PHF2: variants seen among roughly 807,000 people sequenced by gnomAD.
The protein encoded by PHF2 is lysine-specific demethylase PHF2.
In PHF2, 27 loss-of-function variants were observed where a neutral mutation model predicts 120.5. That is an observed-to-expected ratio of 0.22 (90% confidence interval 0.17 to 0.31). The LOEUF (loss-of-function observed/expected upper bound fraction) is 0.31, where lower values mean the gene tolerates loss of function less well. Ranked by LOEUF, PHF2 falls within the 10% of genes least tolerant of loss-of-function variation. The pLI is 1.00. For synonymous variants in PHF2, 568 were observed against 592.5 expected, an observed-to-expected ratio of 0.96 and a Z score of 0.60; for missense variants, 1,024 against 1,434.8, an observed-to-expected ratio of 0.71 and a Z score of 4.63.
chr9:93,602,209 G>A (rs373862564), intron 1 of PHF2, among the ~76,000 whole-genome samples: 71 of 134,806 alleles, frequency 5.3e-4, no homozygotes, highest in Admixed American at 1.3e-3. Flanking sequence ...TGTTCGTTGA[G>A]TTTTGCATTT....
At chr9:93,654,348 G>A in intron 6 of PHF2, 65 bp from the exon 7 acceptor site, 1 of 1,533,840 alleles carries the variant, frequency 6.5e-7, no homozygotes, top group African/African-American at 1.4e-5. Flanking sequence ...GTTAGGACCT[G>A]TCACTTGCAC....
chr9:93,600,854 G>T (rs1825426879), intron 1 of PHF2, among the ~76,000 whole-genome samples: 1 of 152,212 alleles, frequency 6.6e-6, no homozygotes, highest in Non-Finnish European at 1.5e-5. Flanking sequence ...TCCAAGACTG[G>T]ACCAGATCTG....
chr9:93,649,207 C>T lies in PHF2; in HGVS notation c.597C>T (p.Asp199=), dbSNP rs1343651202. ...ACGTCACCAACCTCGAGTTCTCTGACACCCGGTGAGTGCTACCACCCTGGG... is the reference window on the plus strand; with the variant it reads ...ACGTCACCAACCTCGAGTTCTCTGATACCCGGTGAGTGCTACCACCCTGGG... ...VLNVTNLEFS[D]TRMSSFVEPP... Residue 199 remains aspartate (D), a synonymous_variant, in exon 5 of 22, where the codon GAC becomes GAT. Transcript: ENST00000359246. 1 of 1,547,252 alleles carries T rather than the reference C, an allele frequency of 6.5e-7. No homozygotes were observed. Among genetic ancestry groups the T allele is most frequent in the African/African-American group, 1.4e-5 (1 of 72,808 alleles).
chr9:93,658,107 C>A, intron 9 of PHF2, 38 bp from the exon 10 acceptor site: 1 of 1,442,194 alleles, frequency 6.9e-7, no homozygotes. Flanking sequence ...CTGTGGGCAG[C>A]AGGCACCCAC....
chr9:93,596,557 G>C (rs1825336183), intron 1 of PHF2, among the ~76,000 whole-genome samples: 2 of 152,014 alleles, frequency 1.3e-5, no homozygotes. Context: ...AGTCGGGAGG[G>C]GCAGGGCTCG....
intron 5 of PHF2, among the ~76,000 whole-genome samples, 162 bp downstream of exon 5, chr9:93,649,374 CTTTTTTTTTTTTT>C (rs752368762): frequency 9.4e-6 from 1 of 105,832 alleles, no homozygotes; most frequent in African/African-American, 3.8e-5. Context: ...AAATTTTTTC[CTTTTTTTTTTTTT>C]TTTTTTTTTT....
At chr9:93,608,677 C>T (rs187252195) in intron 1 of PHF2, among the ~76,000 whole-genome samples, 304 of 152,156 alleles carry the variant, frequency 2.0e-3, no homozygotes, top group African/African-American at 6.9e-3. Context: ...CAGAGTATAT[C>T]TTTTGAGGAA....
At chr9:93,596,255 G>A (rs1825330974) in intron 1 of PHF2, among the ~76,000 whole-genome samples, 1 of 152,178 alleles carries the variant, frequency 6.6e-6, no homozygotes, top group Non-Finnish European at 1.5e-5. Context: ...TGGAGGGCAA[G>A]CTGCATGTCA....
At chr9:93,663,219 CTG>C (rs1826610712) in intron 13 of PHF2, among the ~76,000 whole-genome samples, 193 bp downstream of exon 13, 1 of 152,140 alleles carries the variant, frequency 6.6e-6, no homozygotes, top group South Asian at 2.1e-4. Context: ...ACATCTTCCT[CTG>C]AGTTGGTTGG....
intron 18 of PHF2, among the ~76,000 whole-genome samples, chr9:93,674,135 C>G (rs562082584): frequency 6.6e-6 from 1 of 152,244 alleles, no homozygotes; most frequent in East Asian, 1.9e-4. Context: ...TTTCTGGGCT[C>G]TGGAGGTGTG....
At chr9:93,628,062 A>G (rs1286588432) in intron 1 of PHF2, among the ~76,000 whole-genome samples, 1 of 152,038 alleles carries the variant, frequency 6.6e-6, no homozygotes, top group African/African-American at 2.4e-5. Context: ...GCACTGATTT[A>G]TTTTCATGTA....
At chr9:93,578,480 C>T (rs1273236777) in intron 1 of PHF2, among the ~76,000 whole-genome samples, 1 of 152,230 alleles carries the variant, frequency 6.6e-6, no homozygotes, top group Non-Finnish European at 1.5e-5. Context: ...GTGGTGGGGC[C>T]TCTGCCTTCT....
At chr9:93,603,361 G>T (rs2131618661) in intron 1 of PHF2, among the ~76,000 whole-genome samples, 1 of 152,268 alleles carries the variant, frequency 6.6e-6, no homozygotes, top group South Asian at 2.1e-4. Context: ...GGCATTTCCG[G>T]CGACAGAGTT....
intron 1 of PHF2, among the ~76,000 whole-genome samples, chr9:93,584,608 T>C (rs1863001027): frequency 6.6e-6 from 1 of 152,260 alleles, no homozygotes; most frequent in South Asian, 2.1e-4. Flanking sequence ...TATATGTGTC[T>C]CCTTATGCCA....
chr9:93,643,379 G>A (rs184590251), intron 3 of PHF2, among the ~76,000 whole-genome samples: 1 of 152,202 alleles, frequency 6.6e-6, no homozygotes, highest in Non-Finnish European at 1.5e-5. Flanking sequence ...GGCCTTCCCT[G>A]TTGCTTTCAG....
chr9:93,614,782 G>C (rs142838020), intron 1 of PHF2, among the ~76,000 whole-genome samples: 7 of 152,182 alleles, frequency 4.6e-5, no homozygotes, highest in African/African-American at 1.7e-4. Context: ...GATGATGGTG[G>C]TGGCGAGGAT....
chr9:93,646,831 A>G (rs1455851194), intron 4 of PHF2, among the ~76,000 whole-genome samples: 1 of 152,056 alleles, frequency 6.6e-6, no homozygotes, highest in Non-Finnish European at 1.5e-5. Context: ...GCTGTCAGAC[A>G]TCTCGGAAGA....
chr9:93,660,798 T>C (rs1365389367), intron 12 of PHF2, among the ~76,000 whole-genome samples: 1 of 152,194 alleles, frequency 6.6e-6, no homozygotes, highest in African/African-American at 2.4e-5. Context: ...TGGACAGGCT[T>C]TGCCCAACAA....
chr9:93,625,218 G>A (rs1825894666), intron 1 of PHF2, among the ~76,000 whole-genome samples: 1 of 152,118 alleles, frequency 6.6e-6, no homozygotes, highest in Non-Finnish European at 1.5e-5. Context: ...TCATGTGAGT[G>A]GAATCATACA....
Sources: allele counts gnomAD v4.1 joint callset (sites outside exome capture counted in the v4.1 genomes callset), GRCh38; gene constraint gnomAD v4.1.1; transcripts MANE v1.5; gene names NCBI Gene and HGNC (gene_info 2026-07-23, HGNC 2026-07-21).